Variants in MAF observed in about 807,000 individuals in gnomAD.
The protein encoded by MAF is transcription factor Maf.
In MAF, 10 loss-of-function variants were observed where a neutral mutation model predicts 22.0. That is an observed-to-expected ratio of 0.45 (90% CI 0.28 to 0.77). The LOEUF (loss-of-function observed/expected upper bound fraction) is 0.77. MAF is among the 30% of genes least tolerant of loss of function. MAF has a pLI of 0.12. For missense variants in MAF, 544 were observed against 548.4 expected, an observed-to-expected ratio of 0.99 and a Z score of 0.08; for synonymous variants, 337 against 255.8, an observed-to-expected ratio of 1.32 and a Z score of -3.03.
chr16:79,330,202 G>C, the MAF span, among the ~76,000 whole-genome samples: 1 of 152,260 alleles, frequency 6.6e-6, no homozygotes, highest in South Asian at 2.1e-4. Flanking sequence ...CAATTTTATG[G>C]TTCAACATTC....
chr16:79,485,683 C>G, the MAF span, among the ~76,000 whole-genome samples: 1 of 152,328 alleles, frequency 6.6e-6, no homozygotes, highest in African/African-American at 2.4e-5. Flanking sequence ...AAAAGCACCA[C>G]TATTACACTT....
chr16:79,240,292 T>C, the MAF span, among the ~76,000 whole-genome samples: 2 of 151,214 alleles, frequency 1.3e-5, 1 homozygote, highest in African/African-American at 4.8e-5. Flanking sequence ...ACATGTTCTG[T>C]TTTGTCAAAA....
At chr16:79,330,657 T>C in the MAF span, among the ~76,000 whole-genome samples, 1 of 151,944 alleles carries the variant, frequency 6.6e-6, no homozygotes, top group Non-Finnish European at 1.5e-5. Flanking sequence ...AAGGGAGAGG[T>C]AGTCATCAAA....
the MAF span, among the ~76,000 whole-genome samples, chr16:79,208,081 G>C: frequency 2.0e-5 from 3 of 152,186 alleles, no homozygotes; most frequent in South Asian, 2.1e-4. Flanking sequence ...ATTTTTGAAA[G>C]AGAATGATGA....
chr16:79,543,275 T>C, the MAF span, among the ~76,000 whole-genome samples: 1 of 152,090 alleles, frequency 6.6e-6, no homozygotes, highest in South Asian at 2.1e-4. Flanking sequence ...CAGGCAAGAG[T>C]GTAGCTAGAA....
At chr16:79,570,514 C>A in the MAF span, among the ~76,000 whole-genome samples, 1 of 152,162 alleles carries the variant, frequency 6.6e-6, no homozygotes, top group Non-Finnish European at 1.5e-5. Context: ...AACTTCTCTG[C>A]TTAGTTTGTG....
intron 1 of MAF, among the ~76,000 whole-genome samples, chr16:79,588,039 A>T (rs1330806348): frequency 6.6e-6 from 1 of 152,218 alleles, no homozygotes; most frequent in Non-Finnish European, 1.5e-5. Flanking sequence ...GCAGTGAAGT[A>T]ATCTAAGCCA....
chr16:79,450,828 C>A, the MAF span, among the ~76,000 whole-genome samples: 1 of 151,004 alleles, frequency 6.6e-6, no homozygotes, highest in Non-Finnish European at 1.5e-5. Context: ...CCACATTTAA[C>A]ATTTTTACAT....
At chr16:79,458,109 AGTGTGTGTGTGTGT>A in the MAF span, among the ~76,000 whole-genome samples, 8 of 136,328 alleles carry the variant, frequency 5.9e-5, no homozygotes, top group Non-Finnish European at 9.5e-5. Context: ...GGTATGTATA[AGTGTGTGTGTGTGT>A]GTGTGTGTGT....
At chr16:79,358,003 G>C in the MAF span, among the ~76,000 whole-genome samples, 1 of 152,182 alleles carries the variant, frequency 6.6e-6, no homozygotes, top group African/African-American at 2.4e-5. Context: ...GAAGGTACTT[G>C]AATGGCCAAC....
At chr16:79,509,740 C>A in the MAF span, among the ~76,000 whole-genome samples, 1 of 152,206 alleles carries the variant, frequency 6.6e-6, no homozygotes, top group African/African-American at 2.4e-5. Context: ...GATGCGTGCT[C>A]TTTTAGGCCT....
the MAF span, among the ~76,000 whole-genome samples, chr16:79,429,748 T>C: frequency 3.7e-4 from 57 of 152,264 alleles, no homozygotes; most frequent in East Asian, 9.9e-3. Flanking sequence ...TTTGGATTCC[T>C]TGTGTCTGGT....
chr16:79,555,604 TC>T, the MAF span, among the ~76,000 whole-genome samples: 2 of 152,132 alleles, frequency 1.3e-5, no homozygotes, highest in African/African-American at 4.8e-5. Flanking sequence ...AAATTTGAAG[TC>T]CAAAATGCTC....
At chr16:79,507,579 C>G in the MAF span, among the ~76,000 whole-genome samples, 1 of 152,000 alleles carries the variant, frequency 6.6e-6, no homozygotes, top group East Asian at 1.9e-4. Context: ...CGCCCACCAC[C>G]ATGCCTGGCT....
the MAF span, chr16:79,204,930 G>A: frequency 3.3e-5 from 5 of 152,158 alleles, no homozygotes; most frequent in East Asian, 3.9e-4. Flanking sequence ...TCCTCTCTTC[G>A]AGTCCACCTC....
At chr16:79,508,371 C>A in the MAF span, among the ~76,000 whole-genome samples, 5,758 of 152,264 alleles carry the variant, frequency 0.038, 347 homozygotes, top group African/African-American at 0.13. Context: ...CCTTCCCTCT[C>A]TGTGGGGTCT....
the MAF span, among the ~76,000 whole-genome samples, chr16:79,570,848 G>C: frequency 2.4e-4 from 37 of 152,258 alleles, no homozygotes; most frequent in Admixed American, 8.5e-4. Context: ...AATATGTTCT[G>C]TGCGAGTTTC....
At chr16:79,405,865 C>T in the MAF span, among the ~76,000 whole-genome samples, 1 of 152,170 alleles carries the variant, frequency 6.6e-6, no homozygotes, top group Admixed American at 6.5e-5. Flanking sequence ...CACCCGTCAA[C>T]CATCTCATTT....
chr16:79,247,430 CA>C, the MAF span, among the ~76,000 whole-genome samples: 1 of 152,184 alleles, frequency 6.6e-6, no homozygotes, highest in Non-Finnish European at 1.5e-5. Flanking sequence ...GTGTGTGCTT[CA>C]CTGCAAACTT....
Sources: allele counts gnomAD v4.1 joint callset (sites outside exome capture counted in the v4.1 genomes callset), GRCh38; gene constraint gnomAD v4.1.1; transcripts MANE v1.5; gene names NCBI Gene and HGNC (gene_info 2026-07-23, HGNC 2026-07-21).